Variants in ERBB4 observed in about 807,000 individuals in gnomAD.
The protein encoded by ERBB4 is receptor tyrosine-protein kinase erbB-4.
A neutral mutation model predicts 158.0 loss-of-function variants in ERBB4; 42 were observed. The observed-to-expected ratio is 0.27, with a 90% CI of 0.21 to 0.34. The LOEUF (loss-of-function observed/expected upper bound fraction) is 0.34, where lower values mean the gene tolerates loss of function less well. Among genes scored for constraint, ERBB4 ranks in the 10% least tolerant of loss-of-function variants. The pLI, the probability that ERBB4 is intolerant of heterozygous loss-of-function variation, is 1.00. For missense variants in ERBB4, 1,333 were observed against 1,624.1 expected, an observed-to-expected ratio of 0.82 and a Z score of 3.08; for synonymous variants, 583 against 558.7, an observed-to-expected ratio of 1.04 and a Z score of -0.61.
At chr2:212,151,150 C>A (rs2080854525) in intron 1 of ERBB4, among the ~76,000 whole-genome samples, 1 of 151,768 alleles carries the variant, frequency 6.6e-6, no homozygotes, top group Admixed American at 6.6e-5. Context: ...TGCATCTTTT[C>A]CCCTCACTAA....
intron 1 of ERBB4, among the ~76,000 whole-genome samples, chr2:212,475,667 A>C (rs2106138050): frequency 6.6e-6 from 1 of 152,326 alleles, no homozygotes; most frequent in Middle Eastern, 3.4e-3. Flanking sequence ...AGCTAGTGAC[A>C]TGCAAAAAAC....
intron 3 of ERBB4, among the ~76,000 whole-genome samples, chr2:211,938,838 T>A (rs1351869978): frequency 6.6e-6 from 1 of 152,138 alleles, no homozygotes; most frequent in Non-Finnish European, 1.5e-5. Context: ...ACAAAGCTAA[T>A]AAATATTTGA....
chr2:212,481,537 A>G (rs1015567385), intron 1 of ERBB4, among the ~76,000 whole-genome samples: 4 of 152,178 alleles, frequency 2.6e-5, no homozygotes, highest in Non-Finnish European at 5.9e-5. Context: ...TCAAATTCCA[A>G]TTTCTCTAAT....
chr2:212,297,527 A>T (rs2086457362), intron 1 of ERBB4, among the ~76,000 whole-genome samples: 1 of 151,926 alleles, frequency 6.6e-6, no homozygotes, highest in African/African-American at 2.4e-5. Flanking sequence ...GCTTTTTATA[A>T]AGGGATAATA....
At chr2:212,241,930 A>G (rs1271089308) in intron 1 of ERBB4, among the ~76,000 whole-genome samples, 2 of 152,082 alleles carry the variant, frequency 1.3e-5, no homozygotes, top group Admixed American at 6.5e-5. Context: ...CTAAACATTT[A>G]TCAACACAAA....
intron 2 of ERBB4, among the ~76,000 whole-genome samples, chr2:211,949,386 C>T (rs1243924940): frequency 6.6e-6 from 1 of 152,166 alleles, no homozygotes; most frequent in Non-Finnish European, 1.5e-5. Context: ...AACCACTAGT[C>T]ATATGTGACC....
At chr2:212,452,009 G>T (rs1284673475) in intron 1 of ERBB4, among the ~76,000 whole-genome samples, 4 of 139,004 alleles carry the variant, frequency 2.9e-5, no homozygotes, top group Non-Finnish European at 6.3e-5. Flanking sequence ...GAGTGTGCAG[G>T]TTTTTTTTTT....
chr2:211,398,381 A>G (rs1188999826), intron 25 of ERBB4, among the ~76,000 whole-genome samples: 2 of 152,208 alleles, frequency 1.3e-5, no homozygotes, highest in African/African-American at 2.4e-5. Flanking sequence ...TATGCTTCTG[A>G]TACAGAAGTA....
intron 20 of ERBB4, among the ~76,000 whole-genome samples, chr2:211,490,399 T>C (rs1015910079): frequency 1.3e-5 from 2 of 152,082 alleles, no homozygotes; most frequent in African/African-American, 4.8e-5. Flanking sequence ...ACAAGCTCCA[T>C]GGAAGCAGGG....
intron 19 of ERBB4, among the ~76,000 whole-genome samples, chr2:211,566,467 T>G (rs568448047): frequency 6.6e-6 from 1 of 152,354 alleles, no homozygotes; most frequent in Admixed American, 6.5e-5. Context: ...TTACTATTCA[T>G]GTGGCCTCGT....
chr2:211,403,498 T>C (rs1363681485), intron 25 of ERBB4, among the ~76,000 whole-genome samples: 1 of 152,148 alleles, frequency 6.6e-6, no homozygotes, highest in Non-Finnish European at 1.5e-5. Context: ...ATTGCAATTA[T>C]GCCTGGCTTG....
chr2:211,905,850 G>T (rs954071089), intron 3 of ERBB4, among the ~76,000 whole-genome samples: 1 of 150,338 alleles, frequency 6.7e-6, no homozygotes, highest in Non-Finnish European at 1.5e-5. Flanking sequence ...GTGAAAAATT[G>T]AAACAGAGTT....
intron 2 of ERBB4, among the ~76,000 whole-genome samples, chr2:211,986,515 A>T (rs2081941250): frequency 6.6e-6 from 1 of 152,228 alleles, no homozygotes; most frequent in South Asian, 2.1e-4. Flanking sequence ...AACTAAAAGC[A>T]CACGTGAGAG....
chr2:212,458,780 T>G (rs903004188), intron 1 of ERBB4, among the ~76,000 whole-genome samples: 21 of 151,906 alleles, frequency 1.4e-4, no homozygotes, highest in African/African-American at 5.1e-4. Context: ...GAGAAGGAGG[T>G]GAACAGATGA....
intron 5 of ERBB4, among the ~76,000 whole-genome samples, chr2:211,727,814 T>C (rs2074313416): frequency 6.6e-6 from 1 of 151,976 alleles, no homozygotes; most frequent in Admixed American, 6.6e-5. Flanking sequence ...TCAAATAAAG[T>C]TTAAACTAAA....
intron 9 of ERBB4, among the ~76,000 whole-genome samples, chr2:211,709,066 G>A (rs79835699): frequency 0.02 from 3,057 of 151,932 alleles, 86 homozygotes; most frequent in African/African-American, 0.067. Flanking sequence ...CTCCTTAGAA[G>A]TCTGGGTTAG....
chr2:211,956,002 A>C (rs1274596148), intron 2 of ERBB4, among the ~76,000 whole-genome samples: 2 of 151,414 alleles, frequency 1.3e-5, no homozygotes, highest in East Asian at 3.9e-4. Context: ...CAAAAAATTC[A>C]TAAGTTGAAG....
At chr2:212,337,594 C>T (rs1001910327) in intron 1 of ERBB4, among the ~76,000 whole-genome samples, 1 of 152,010 alleles carries the variant, frequency 6.6e-6, no homozygotes, top group African/African-American at 2.4e-5. Flanking sequence ...CCATGCTCAC[C>T]CCAGAGGAGT....
chr2:211,805,843 A>G lies in ERBB4; in HGVS notation c.422-17684T>C, dbSNP rs571687042. 5.9e-5 allele frequency among the ~76,000 whole-genome samples: 9 copies of G among 152,200 alleles called. No homozygotes were observed. In the South Asian group the frequency reaches 1.9e-3, roughly 31 times the overall value. On this transcript the variant is annotated intron_variant, in intron 3 of 27. Coordinates refer to ENST00000342788, the MANE Select transcript of ERBB4 (RefSeq NM_005235.3). ...ATAGGAAAGAATAATCAATGAAGAAACAAGTATTCTTGAAAATTGCAAATG... is the reference window on the plus strand; with the variant it reads ...ATAGGAAAGAATAATCAATGAAGAAGCAAGTATTCTTGAAAATTGCAAATG...
Sources: allele counts gnomAD v4.1 joint callset (sites outside exome capture counted in the v4.1 genomes callset), GRCh38; gene constraint gnomAD v4.1.1; transcripts MANE v1.5; gene names NCBI Gene and HGNC (gene_info 2026-07-23, HGNC 2026-07-21).